Variants in ATP1A1 observed in about 807,000 individuals in gnomAD.
ATP1A1 encodes sodium/potassium-transporting ATPase subunit alpha-1.
Under a neutral mutation model 114.8 loss-of-function variants are expected in ATP1A1, and 14 were observed. The observed-to-expected ratio is 0.12, with a 90% CI of 0.08 to 0.19. ATP1A1 has a LOEUF of 0.19. Among genes scored for constraint, ATP1A1 ranks in the 10% least tolerant of loss-of-function variants. The pLI is 1.00. For missense variants in ATP1A1, 524 were observed against 1,290.7 expected, an observed-to-expected ratio of 0.41 and a Z score of 9.10; for synonymous variants, 471 against 466.3, an observed-to-expected ratio of 1.01 and a Z score of -0.13.
At position 116,398,148 on chromosome 1, in the gene ATP1A1, G is replaced by A; in HGVS notation, c.2124+110G>A. On this transcript the variant is annotated intron_variant, in intron 15 of 22. Coordinates refer to ENST00000295598, the MANE Select transcript of ATP1A1 (RefSeq NM_000701.8). The surrounding 1 kb of genome is among the most constrained non-coding windows in gnomAD (Gnocchi z 6.1). The stretch of plus-strand genomic sequence containing the variant: ...GATGGATGCATACCTCGCTGTATTA[G>A]ACTCAGTATAAATAGGCCAGTAGGA... The A allele has an allele frequency of 6.9e-7, 1 of 1,443,152 alleles. No homozygotes were observed. Among genetic ancestry groups the A allele is most frequent in the Non-Finnish European group, 9.4e-7 (1 of 1,066,578 alleles). The allele number at this position is 1,443,152 out of a possible 1,614,324, so 89.4% of individuals were successfully genotyped here.
In ATP1A1 at chr1:116,388,827, G is replaced by C; in HGVS notation, c.636+55G>C. On this transcript the variant is annotated intron_variant, in intron 6 of 22. Transcript: ENST00000295598. This position sits in a 1 kb window ranked among gnomAD's most constrained non-coding sequence, Gnocchi z 5.6. ...GCTAGCTCTGCTGTTCGGGCAGCTT[G>C]ATTTGAGGGGTACAGTAGCCCATGA... 1 of 1,612,826 alleles carries C rather than the reference G, an allele frequency of 6.2e-7. No homozygotes were observed. The highest frequency in any genetic ancestry group is 1.7e-5 in the Admixed American group (1 of 59,948).
chr1:116,377,760 C>T (rs1570941109), intron 1 of ATP1A1, among the ~76,000 whole-genome samples: 1 of 152,218 alleles, frequency 6.6e-6, no homozygotes. Flanking sequence ...ACCCGAGTGT[C>T]AGATCAGATG....
At chr1:116,400,803 G>T in intron 18 of ATP1A1, 58 bp from the exon 19 acceptor site, 1 of 1,597,140 alleles carries the variant, frequency 6.3e-7, no homozygotes, top group South Asian at 1.1e-5. Context: ...TCAGCTGAAG[G>T]CTATACAGGT....
chr1:116,393,777 T>C lies in ATP1A1; in HGVS notation c.1660+54T>C, dbSNP rs1652666529. On this transcript the variant is annotated intron_variant, in intron 12 of 22. Transcript: ENST00000295598. The surrounding 1 kb of genome is among the most constrained non-coding windows in gnomAD (Gnocchi z 5.0). ...CTGGGCACGTTTTTATCCAGTAACC[T>C]AGTCTGGTAGACAGTTAACAAGTGA... is the stretch of plus-strand genomic sequence containing the variant. 6.5e-7 allele frequency: 1 copy of C among 1,529,204 alleles called. No homozygotes were observed. Among genetic ancestry groups the C allele is most frequent in the South Asian group, 1.2e-5 (1 of 82,722 alleles). 94.7% of individuals were successfully genotyped at this position (1,529,204 alleles called of 1,614,324 possible).
In ATP1A1 at chr1:116,384,970, C is replaced by A; in HGVS notation, c.183+128C>A. The A allele has an allele frequency of 1.1e-6, 1 of 869,806 alleles. No homozygotes were observed. Among genetic ancestry groups the A allele is most frequent in the Non-Finnish European group, 1.9e-6 (1 of 536,732 alleles). 53.9% of individuals were successfully genotyped at this position (869,806 alleles called of 1,614,324 possible). On this transcript the variant is annotated intron_variant, in intron 3 of 22. Transcript: ENST00000295598. The surrounding 1 kb of genome is among the most constrained non-coding windows in gnomAD (Gnocchi z 5.1). ...ATGACAGACACCATCTGCGTATCTA[C>A]CATGTGACATGCACAGAATTTGGGC...
chr1:116,387,266 T>C lies in ATP1A1; in HGVS notation c.184-22T>C. The C allele has an allele frequency of 1.2e-6, 2 of 1,613,542 alleles. No homozygotes were observed. Among genetic ancestry groups the C allele is most frequent in the South Asian group, 1.1e-5 (1 of 91,044 alleles). On this transcript the variant is annotated intron_variant, in intron 3 of 22. Coordinates refer to ENST00000295598, the MANE Select transcript of ATP1A1 (RefSeq NM_000701.8). This position sits in a 1 kb window ranked among gnomAD's most constrained non-coding sequence, Gnocchi z 6.7. ...GTAAGTGCTGGTACAGTTTGCCTTA[T>C]TTATATTCCACTGCTTCTCAGGGAT... is the stretch of plus-strand genomic sequence containing the variant.
intron 1 of ATP1A1, among the ~76,000 whole-genome samples, chr1:116,378,085 T>C (rs1042862228): frequency 2.0e-5 from 3 of 152,208 alleles, no homozygotes; most frequent in Non-Finnish European, 4.4e-5. Flanking sequence ...CTCACCTCAT[T>C]AGTTGTGCTG....
At chr1:116,396,807 T>C in intron 14 of ATP1A1, 73 bp downstream of exon 14, 1 of 1,474,822 alleles carries the variant, frequency 6.8e-7, no homozygotes, top group East Asian at 2.4e-5. Context: ...TTCAGCGTGG[T>C]TCTATAATGG....
In ATP1A1 at chr1:116,399,045, G is replaced by A. The variant is rs759625415; in HGVS notation, c.2409G>A (p.Gly803=). ...FIIANIPLPL[G]TVTILCIDLG... ...TTGCAAACATTCCACTACCACTGGG[G>A]ACTGTCACCATCCTCTGCATTGACT... Residue 803 remains glycine (G), a synonymous_variant, in exon 17 of 23, where the codon GGG becomes GGA. Transcript: ENST00000295598. This position sits in a 1 kb window ranked among gnomAD's most constrained non-coding sequence, Gnocchi z 5.0. 7 of 1,614,036 alleles carry A rather than the reference G, an allele frequency of 4.3e-6. No homozygotes were observed. In the African/African-American group the frequency reaches 8.0e-5, roughly 18 times the overall value.
intron 18 of ATP1A1, 44 bp from the exon 19 acceptor site, chr1:116,400,817 C>T (rs1225699709): frequency 4.4e-6 from 7 of 1,603,536 alleles, no homozygotes; most frequent in Admixed American, 1.7e-5. Flanking sequence ...TACAGGTACC[C>T]TTGTGTGTGA....
At chr1:116,390,104 T>C in intron 8 of ATP1A1, 109 bp from the exon 9 acceptor site, 1 of 1,137,806 alleles carries the variant, frequency 8.8e-7, no homozygotes, top group Non-Finnish European at 1.3e-6. Flanking sequence ...AGAAGAAGGT[T>C]GGAGAGATTT....
chr1:116,390,536 G>GTTTTT (rs79640523), intron 9 of ATP1A1, 125 bp downstream of exon 9: 25 of 694,470 alleles, frequency 3.6e-5, no homozygotes, highest in Middle Eastern at 4.0e-4. Flanking sequence ...TTTCTTTTTT[G>GTTTTT]TTTTTTTTTT....
Position 116,401,454 on chromosome 1 carries a change from T to C in ATP1A1, c.2850-100T>C, listed in dbSNP as rs546870801. The C allele has an allele frequency of 1.4e-6, 2 of 1,425,402 alleles. No individual in the cohort carries two copies. Among genetic ancestry groups the C allele is most frequent in the South Asian group, 2.5e-5 (2 of 80,672 alleles). The allele number at this position is 1,425,402 out of a possible 1,614,324, so 88.3% of individuals were successfully genotyped here. On this transcript the variant is annotated intron_variant, in intron 20 of 22. Coordinates refer to ENST00000295598, the MANE Select transcript of ATP1A1 (RefSeq NM_000701.8). This position sits in a 1 kb window ranked among gnomAD's most constrained non-coding sequence, Gnocchi z 4.7. ...TGACCTCCAAGTTTTCAAGTACAGC[T>C]AATACATAAAGATGTTGATCTGCCA...
Position 116,393,340 on chromosome 1 carries a change from C to G in ATP1A1, c.1468-191C>G, listed in dbSNP as rs1353624557. Among the ~76,000 whole-genome samples, 1 of 142,272 alleles carries G rather than the reference C, an allele frequency of 7.0e-6. No homozygotes were observed. Among genetic ancestry groups the G allele is most frequent in the Non-Finnish European group, 1.5e-5 (1 of 67,922 alleles). The allele number at this position is 142,272 out of a possible 152,430, so 93.3% of individuals were successfully genotyped here. A position where few individuals can be genotyped will look rare whatever the true frequency, so the allele number is the denominator to read the frequency against. On this transcript the variant is annotated intron_variant, in intron 11 of 22. Transcript: ENST00000295598. The surrounding 1 kb of genome is among the most constrained non-coding windows in gnomAD (Gnocchi z 5.0). ...AAATGTCAGGAATTTATGAATATAT[C>G]ATAGTGCTCATTTTTTTTTTTTTCT...
In ATP1A1 at chr1:116,401,086, G is replaced by A; in HGVS notation, c.2719-44G>A. 6.2e-7 allele frequency: 1 copy of A among 1,612,676 alleles called. No homozygotes were observed. Among genetic ancestry groups the A allele is most frequent in the Non-Finnish European group, 8.5e-7 (1 of 1,178,688 alleles). On this transcript the variant is annotated intron_variant, in intron 19 of 22. Transcript: ENST00000295598. This position sits in a 1 kb window ranked among gnomAD's most constrained non-coding sequence, Gnocchi z 4.7. ...CTGAGGCCACACTGCCACCAGCCAT[G>A]CAGGTGAAGAGCCAGAGCTCATCTT...
In ATP1A1 at chr1:116,403,871, A is replaced by C; in HGVS notation, c.2952-13A>C. 6.2e-7 allele frequency: 1 copy of C among 1,605,588 alleles called. No homozygotes were observed. The highest frequency in any genetic ancestry group is 8.5e-7 in the Non-Finnish European group (1 of 1,173,562). ...TCGTGTGCATATAAATTGGTACCTT[A>C]CTCTATTTCCAGACCTACCTGGTGG... On this transcript the variant is annotated splice_polypyrimidine_tract_variant and intron_variant, in intron 21 of 22. Coordinates refer to ENST00000295598, the MANE Select transcript of ATP1A1 (RefSeq NM_000701.8).
chr1:116,398,098 C>T lies in ATP1A1; in HGVS notation c.2124+60C>T. ...CTATTGGCTTTAGGGATTGGAGTTC[C>T]AGTGGAAACAGAGCAACGGTGATGG... On this transcript the variant is annotated intron_variant, in intron 15 of 22. Transcript: ENST00000295598. This position sits in a 1 kb window ranked among gnomAD's most constrained non-coding sequence, Gnocchi z 6.1. The T allele has an allele frequency of 6.3e-7, 1 of 1,592,400 alleles. No individual in the cohort carries two copies. Among genetic ancestry groups the T allele is most frequent in the East Asian group, 2.2e-5 (1 of 44,720 alleles).
In ATP1A1 at chr1:116,398,152, C is replaced by G; in HGVS notation, c.2124+114C>G. 7.1e-7 allele frequency: 1 copy of G among 1,408,672 alleles called. No homozygotes were observed. The highest frequency in any genetic ancestry group is 9.6e-7 in the Non-Finnish European group (1 of 1,042,652). The allele number at this position is 1,408,672 out of a possible 1,614,324, so 87.3% of individuals were successfully genotyped here. On this transcript the variant is annotated intron_variant, in intron 15 of 22. Transcript: ENST00000295598. The surrounding 1 kb of genome is among the most constrained non-coding windows in gnomAD (Gnocchi z 6.1). ...GATGCATACCTCGCTGTATTAGACTCAGTATAAATAGGCCAGTAGGAAGCT... is the reference window on the plus strand; with the variant it reads ...GATGCATACCTCGCTGTATTAGACTGAGTATAAATAGGCCAGTAGGAAGCT...
chr1:116,396,690 C>T lies in ATP1A1; in HGVS notation c.1929C>T (p.Asp643=), dbSNP rs1156754855. ...CAGAAGGCAATGAGACCGTGGAAGA[C>T]ATTGCTGCCCGCCTCAACATCCCAG... ...IISEGNETVE[D]IAARLNIPVS... is the part of the protein sequence containing the mutation. Residue 643 remains aspartate (D), a synonymous_variant, in exon 14 of 23, where the codon GAC becomes GAT. Transcript: ENST00000295598. 1.2e-6 allele frequency: 2 copies of T among 1,601,246 alleles called. No homozygotes were observed. The highest frequency in any genetic ancestry group is 1.7e-6 in the Non-Finnish European group (2 of 1,172,824).
Sources: allele counts gnomAD v4.1 joint callset (sites outside exome capture counted in the v4.1 genomes callset), GRCh38; gene constraint gnomAD v4.1.1; non-coding constraint Gnocchi (gnomAD v3.1); transcripts MANE v1.5; gene names NCBI Gene and HGNC (gene_info 2026-07-23, HGNC 2026-07-21).